Variants in PIK3C2A observed in about 807,000 individuals in gnomAD.
The protein encoded by PIK3C2A is phosphatidylinositol-4-phosphate 3-kinase catalytic subunit type 2 alpha.
Under a neutral mutation model 204.5 loss-of-function variants are expected in PIK3C2A, and 97 were observed. The observed-to-expected ratio is 0.47, with a 90% CI of 0.40 to 0.56. The LOEUF is 0.56. PIK3C2A is among the 20% of genes least tolerant of loss of function. The pLI is 0.00. For synonymous variants in PIK3C2A, 653 were observed against 664.4 expected, an observed-to-expected ratio of 0.98 and a Z score of 0.26; for missense variants, 1,735 against 1,969.2, an observed-to-expected ratio of 0.88 and a Z score of 2.25.
chr11:17,196,692 C>T (rs1178054993), intron 1 of PIK3C2A, among the ~76,000 whole-genome samples: 1 of 152,070 alleles, frequency 6.6e-6, no homozygotes, highest in Non-Finnish European at 1.5e-5. Context: ...GCCTCAGCCT[C>T]CCGAGTAGCT....
intron 28 of PIK3C2A, 113 bp downstream of exon 28, chr11:17,094,148 A>T: frequency 1.4e-6 from 1 of 694,756 alleles, no homozygotes; most frequent in Non-Finnish European, 2.3e-6. Flanking sequence ...AAGGAAAATA[A>T]GCCACACATG....
At chr11:17,160,968 G>GT (rs1476034979) in intron 2 of PIK3C2A, among the ~76,000 whole-genome samples, 1 of 152,184 alleles carries the variant, frequency 6.6e-6, no homozygotes, top group Non-Finnish European at 1.5e-5. Context: ...TGAGGGAAAT[G>GT]TGAGGTGAGC....
intron 1 of PIK3C2A, among the ~76,000 whole-genome samples, chr11:17,196,777 A>G (rs1481413507): frequency 1.3e-5 from 2 of 151,968 alleles, no homozygotes; most frequent in Non-Finnish European, 2.9e-5. Flanking sequence ...TCACCGTGTT[A>G]GCCAGGATGG....
At position 17,089,490 on chromosome 11, in the gene PIK3C2A, T is replaced by C. The variant is rs997264596; in HGVS notation, c.*248A>G. ...AATTAGTATATATTAAGTTTAGGGT[T>C]TGTAGCATTCTACATAATGACTTTA... is the stretch of plus-strand genomic sequence containing the variant. On this transcript the variant is annotated 3_prime_UTR_variant, in exon 33 of 33. Transcript: ENST00000691414. 11 of 399,304 alleles carry C rather than the reference T, an allele frequency of 2.8e-5. No homozygotes were observed. Among genetic ancestry groups the C allele is most frequent in the African/African-American group, 2.2e-4 (11 of 49,352 alleles). 24.7% of individuals were successfully genotyped at this position (399,304 alleles called of 1,614,324 possible).
At chr11:17,167,246 T>C (rs1850993197) in intron 2 of PIK3C2A, among the ~76,000 whole-genome samples, 1 of 152,214 alleles carries the variant, frequency 6.6e-6, no homozygotes, top group Non-Finnish European at 1.5e-5. Flanking sequence ...GTGCTGGGAT[T>C]ATAAACATGA....
chr11:17,123,418 C>A (rs1012073942), intron 13 of PIK3C2A, among the ~76,000 whole-genome samples: 1 of 139,286 alleles, frequency 7.2e-6, no homozygotes, highest in Non-Finnish European at 1.6e-5. Flanking sequence ...TCAGCTAATT[C>A]TTGTTTTTTT....
intron 2 of PIK3C2A, among the ~76,000 whole-genome samples, chr11:17,162,061 C>T (rs949833284): frequency 3.3e-5 from 5 of 152,088 alleles, no homozygotes; most frequent in African/African-American, 4.8e-5. Flanking sequence ...CTGGGCCGGG[C>T]GCAGTGGCTC....
intron 2 of PIK3C2A, 29 bp from the exon 3 acceptor site, chr11:17,155,658 A>G: frequency 7.5e-7 from 1 of 1,325,384 alleles, no homozygotes; most frequent in Non-Finnish European, 1.1e-6. Context: ...TTTTATTTTA[A>G]AAGTGGAAGA....
chr11:17,089,760 A>C lies in PIK3C2A; in HGVS notation c.5039T>G (p.Leu1680Arg), dbSNP rs1287471410. 6.2e-7 allele frequency: 1 copy of C among 1,613,284 alleles called. No individual in the cohort carries two copies. The highest frequency in any genetic ancestry group is 8.5e-7 in the Non-Finnish European group (1 of 1,179,614). Residue 1680 changes from leucine to arginine, a missense_variant, in exon 33 of 33, where the codon CTG (leucine) becomes CGG (arginine). This residue lies in a region of PIK3C2A where 503 missense variants were observed against 669.0 expected (regional missense o/e 0.75). Coordinates refer to ENST00000691414, the MANE Select transcript of PIK3C2A (RefSeq NM_002645.4). ...LSKETVKWYQLTAATYL is the reference protein window; with the variant it reads ...LSKETVKWYQRTAATYL ...AGTTTACAAGTATGTTGCCGCAGTCAGCTGATACCATTTAACCGTCTCTTT... is the reference window on the plus strand; with the variant it reads ...AGTTTACAAGTATGTTGCCGCAGTCCGCTGATACCATTTAACCGTCTCTTT...
intron 3 of PIK3C2A, among the ~76,000 whole-genome samples, chr11:17,153,285 A>T (rs1156780942): frequency 2.0e-5 from 3 of 152,136 alleles, no homozygotes; most frequent in Non-Finnish European, 4.4e-5. Context: ...TACAAAAAAA[A>T]TTAGCTGAGC....
Position 17,117,661 on chromosome 11 carries a change from C to T in PIK3C2A, c.3046G>A (p.Asp1016Asn). The T allele has an allele frequency of 1.4e-6, 2 of 1,446,574 alleles. No individual in the cohort carries two copies. Among genetic ancestry groups the T allele is most frequent in the South Asian group, 1.2e-5 (1 of 85,472 alleles). 89.6% of individuals were successfully genotyped at this position (1,446,574 alleles called of 1,614,324 possible). A position where few individuals can be genotyped will look rare whatever the true frequency, so the allele number is the denominator to read the frequency against. Residue 1016 changes from aspartate (D) to asparagine (N), a missense_variant, in exon 19 of 33, where the codon GAT becomes AAT. Around this residue, in one of 6 missense-constraint regions of PIK3C2A, gnomAD observed 567 missense variants for 576.0 expected, o/e 0.98. Transcript: ENST00000691414. The part of the protein sequence containing the change: ...IAHNLYWLLK[D>N]ALHDVQFSTR... ...CTAAACTGTACATCATGCAGGGCATCTTTGAGAAGCCTAATACAGCAAAAT... is the reference window on the plus strand; with the variant it reads ...CTAAACTGTACATCATGCAGGGCATTTTTGAGAAGCCTAATACAGCAAAAT...
At chr11:17,140,352 C>T (rs1194585472) in intron 8 of PIK3C2A, among the ~76,000 whole-genome samples, 1 of 152,130 alleles carries the variant, frequency 6.6e-6, no homozygotes, top group Admixed American at 6.6e-5. Context: ...TCCATGGGCT[C>T]ATACATAAAT....
intron 30 of PIK3C2A, 87 bp downstream of exon 30, chr11:17,091,909 A>T: frequency 1.2e-6 from 1 of 861,776 alleles, no homozygotes; most frequent in Non-Finnish European, 2.0e-6. Context: ...ACAGCTAGTA[A>T]GCCTGCTGTC....
rs117647718 is a variant in PIK3C2A at position 17,182,984 on chromosome 11, T to A, written c.-65-13178A>T. Among the ~76,000 whole-genome samples, 303 of 152,250 alleles carry A rather than the reference T, an allele frequency of 2.0e-3. 5 individuals carry two copies. In the East Asian group the frequency reaches 0.047, roughly 24 times the overall value. ...TCTCCAGAGTAGCTGGAACTACAGG[T>A]ATGCATCACTATACCTGGCTAAGTT... On this transcript the variant is annotated intron_variant, in intron 1 of 32. Transcript: ENST00000691414.
chr11:17,096,808 T>C (rs981596845), intron 27 of PIK3C2A, among the ~76,000 whole-genome samples: 3 of 152,224 alleles, frequency 2.0e-5, no homozygotes, highest in Non-Finnish European at 2.9e-5. Context: ...TACTTCTCTA[T>C]TGATTAAATT....
chr11:17,167,351 G>A (rs373873669), intron 2 of PIK3C2A, among the ~76,000 whole-genome samples: 10 of 152,204 alleles, frequency 6.6e-5, no homozygotes, highest in African/African-American at 2.2e-4. Flanking sequence ...GGCCGGGCAT[G>A]GTGGCTCACG....
At chr11:17,176,927 G>T (rs1851358453) in intron 1 of PIK3C2A, among the ~76,000 whole-genome samples, 1 of 152,062 alleles carries the variant, frequency 6.6e-6, no homozygotes, top group South Asian at 2.1e-4. Flanking sequence ...GCCAAACATT[G>T]CTTTAAGCAA....
chr11:17,138,000 T>C, intron 8 of PIK3C2A: 1 of 609,848 alleles, frequency 1.6e-6, no homozygotes, highest in East Asian at 3.6e-5. Flanking sequence ...GACTCCCTGC[T>C]TGTGCTTTCA....
At chr11:17,198,710 T>C (rs1404837055) in intron 1 of PIK3C2A, among the ~76,000 whole-genome samples, 1 of 152,042 alleles carries the variant, frequency 6.6e-6, no homozygotes, top group East Asian at 1.9e-4. Flanking sequence ...AAGGATCCTT[T>C]GAGCCTATCA....
Sources: allele counts gnomAD v4.1 joint callset (sites outside exome capture counted in the v4.1 genomes callset), GRCh38; gene constraint gnomAD v4.1.1; regional missense constraint gnomAD v4.1.1; transcripts MANE v1.5; gene names NCBI Gene and HGNC (gene_info 2026-07-23, HGNC 2026-07-21).